The following RIPOR2 variants were observed in gnomAD, a reference collection of about 807,000 sequenced individuals.
RIPOR2 encodes the protein RHO family interacting cell polarization regulator 2.
A neutral mutation model predicts 114.5 loss-of-function variants in RIPOR2; 39 were observed. That is an observed-to-expected ratio of 0.34 (90% CI 0.26 to 0.44). The LOEUF (loss-of-function observed/expected upper bound fraction) is 0.44. Ranked by LOEUF, RIPOR2 falls within the 20% of genes least tolerant of loss-of-function variation. The pLI is 1.00. For synonymous variants in RIPOR2, 445 were observed against 484.4 expected (o/e 0.92, Z 1.07); for missense variants, 1,007 against 1,255.1 (o/e 0.80, Z 2.99).
At position 24,975,400 on chromosome 6, in the gene RIPOR2, G is replaced by A. The variant is rs1200980127; in HGVS notation, c.76+66451C>T. 4.1e-4 allele frequency among the ~76,000 whole-genome samples: 62 copies of A among 152,194 alleles called. 1 individual carries two copies. The highest frequency in any genetic ancestry group is 4.0e-3 in the Admixed American group (61 of 15,278). ...ACTAGGCAAACGACACAATATGCAA[G>A]AGAAGTACAGATGAACAGAAAATTC... On this transcript the variant is annotated intron_variant, in intron 1 of 13. Coordinates refer to the RIPOR2 transcript ENST00000510784.
intron 1 of RIPOR2, among the ~76,000 whole-genome samples, chr6:24,974,420 T>C (rs1361962520): frequency 6.7e-6 from 1 of 149,410 alleles, no homozygotes; most frequent in African/African-American, 2.6e-5. Flanking sequence ...TTATAAAATA[T>C]GTTCAACATC....
intron 1 of RIPOR2, among the ~76,000 whole-genome samples, chr6:25,003,627 T>C (rs1396300191): frequency 6.6e-6 from 1 of 151,926 alleles, no homozygotes; most frequent in Non-Finnish European, 1.5e-5. Flanking sequence ...GACGGGGTCT[T>C]ACTATGTTGC....
At chr6:24,838,274 G>A (rs755589411) in intron 14 of RIPOR2, among the ~76,000 whole-genome samples, 15 of 152,056 alleles carry the variant, frequency 9.9e-5, no homozygotes, top group South Asian at 2.1e-4. Flanking sequence ...ACTTGGATGC[G>A]TGCCTTGATG....
At position 24,935,901 on chromosome 6, in the gene RIPOR2, T is replaced by C. The variant is rs1771775106; in HGVS notation, c.-3A>G. 2 of 1,534,768 alleles carry C rather than the reference T, an allele frequency of 1.3e-6. No individual in the cohort carries two copies. The highest frequency in any genetic ancestry group is 2.7e-5 in the African/African-American group (2 of 72,988). On this transcript the variant is annotated 5_prime_UTR_variant, in exon 1 of 22. Coordinates refer to ENST00000643898, the MANE Select transcript of RIPOR2 (RefSeq NM_001286445.3). ...TCCTCAGCATCAAAAAACTGCATCT[T>C]GGAGAGGACAGGCGCGAGAAGCAGC...
intron 21 of RIPOR2, among the ~76,000 whole-genome samples, chr6:24,809,471 T>C (rs1780992896): frequency 6.6e-6 from 1 of 152,180 alleles, no homozygotes; most frequent in Non-Finnish European, 1.5e-5. Context: ...GACTGATCAA[T>C]CCATATAGAA....
chr6:24,846,637 A>G (rs1007708152), intron 12 of RIPOR2, among the ~76,000 whole-genome samples: 5 of 152,028 alleles, frequency 3.3e-5, no homozygotes, highest in African/African-American at 1.2e-4. Flanking sequence ...AATGAAAACG[A>G]TGCAATTATT....
intron 1 of RIPOR2, among the ~76,000 whole-genome samples, chr6:24,897,453 C>G (rs780564133): frequency 2.6e-5 from 4 of 152,192 alleles, no homozygotes; most frequent in Non-Finnish European, 5.9e-5. Flanking sequence ...GCACCCCTCC[C>G]CCTCCGCCAT....
chr6:24,834,621 G>A (rs563415690), intron 15 of RIPOR2, among the ~76,000 whole-genome samples: 3 of 152,046 alleles, frequency 2.0e-5, no homozygotes, highest in African/African-American at 4.8e-5. Context: ...AGGTGATCGA[G>A]ACAGGTCTCT....
chr6:25,015,330 A>T (rs897787825), intron 1 of RIPOR2: 2 of 152,262 alleles, frequency 1.3e-5, no homozygotes, highest in African/African-American at 4.8e-5. Context: ...TAAGAAGCCC[A>T]GGCCAATTGC....
chr6:24,856,094 TTA>T (rs2113806486), intron 8 of RIPOR2, among the ~76,000 whole-genome samples: 1 of 152,190 alleles, frequency 6.6e-6, no homozygotes, highest in African/African-American at 2.4e-5. Flanking sequence ...TTCACCTGAC[TTA>T]TAAACGTTGC....
intron 19 of RIPOR2, among the ~76,000 whole-genome samples, chr6:24,821,188 T>TG (rs1187728807): frequency 6.9e-6 from 1 of 145,680 alleles, no homozygotes; most frequent in Non-Finnish European, 1.5e-5. Context: ...AACACTGTTT[T>TG]TTTTTTTTTT....
chr6:24,891,052 G>A (rs544065608), intron 1 of RIPOR2, among the ~76,000 whole-genome samples: 51 of 152,278 alleles, frequency 3.3e-4, no homozygotes, highest in African/African-American at 1.1e-3. Flanking sequence ...ATGAAAAAAA[G>A]TAGAGGAAGA....
chr6:24,929,317 T>C (rs1204188318), intron 1 of RIPOR2: 2 of 152,006 alleles, frequency 1.3e-5, no homozygotes, highest in Admixed American at 6.6e-5. Flanking sequence ...AATCCAACAG[T>C]TCAGGCTCTT....
chr6:25,016,667 C>T lies in RIPOR2; in HGVS notation c.76+25184G>A, dbSNP rs191629118. On this transcript the variant is annotated intron_variant, in intron 1 of 13. Coordinates refer to the RIPOR2 transcript ENST00000510784. ...CACACAACAAAAGTCTTGTGTCTGGCGATAATAAAGTTCCCTTAACTGATT... is the reference window on the plus strand; with the variant it reads ...CACACAACAAAAGTCTTGTGTCTGGTGATAATAAAGTTCCCTTAACTGATT... Among the ~76,000 whole-genome samples the T allele has an allele frequency of 2.0e-4, 31 of 152,224 alleles. No individual in the cohort carries two copies. In the East Asian group the frequency reaches 5.8e-3, roughly 28 times the overall value.
intron 1 of RIPOR2, among the ~76,000 whole-genome samples, chr6:24,955,462 C>G (rs1332604802): frequency 6.6e-6 from 1 of 151,590 alleles, no homozygotes; most frequent in Non-Finnish European, 1.5e-5. Context: ...CCCCTCACCC[C>G]TGCTCACAAT....
At chr6:24,994,058 GTAT>G (rs1774944856) in intron 1 of RIPOR2, among the ~76,000 whole-genome samples, 1 of 152,108 alleles carries the variant, frequency 6.6e-6, no homozygotes, top group Non-Finnish European at 1.5e-5. Context: ...TTGGCTAAAT[GTAT>G]TGTTCTTTGT....
chr6:25,010,905 G>A (rs879305810), intron 1 of RIPOR2, among the ~76,000 whole-genome samples: 2 of 152,220 alleles, frequency 1.3e-5, no homozygotes, highest in Non-Finnish European at 2.9e-5. Flanking sequence ...ATCCCCATGC[G>A]TGCTACACTA....
chr6:24,972,680 C>G (rs183113217), intron 1 of RIPOR2, among the ~76,000 whole-genome samples: 32 of 152,234 alleles, frequency 2.1e-4, no homozygotes, highest in African/African-American at 7.5e-4. Context: ...ACAAATAACT[C>G]TCCAGGAATA....
chr6:24,989,917 C>G (rs1258545769), intron 1 of RIPOR2, among the ~76,000 whole-genome samples: 1 of 151,744 alleles, frequency 6.6e-6, no homozygotes, highest in Non-Finnish European at 1.5e-5. Context: ...GTAATCCTAG[C>G]TACTTGGGAG....
Sources: allele counts gnomAD v4.1 joint callset (sites outside exome capture counted in the v4.1 genomes callset), GRCh38; gene constraint gnomAD v4.1.1; transcripts MANE v1.5; gene names NCBI Gene and HGNC (gene_info 2026-07-23, HGNC 2026-07-21).